Variants in CSMD3 observed in about 807,000 individuals in gnomAD.
The protein encoded by CSMD3 is CUB and sushi domain-containing protein 3.
A neutral mutation model predicts 435.2 loss-of-function variants in CSMD3; 177 were observed. That is an observed-to-expected ratio of 0.41 (90% confidence interval 0.36 to 0.46). The LOEUF (loss-of-function observed/expected upper bound fraction) is 0.46, where lower values mean the gene tolerates loss of function less well. CSMD3 is among the 20% of genes least tolerant of loss of function. The pLI is 0.34. For synonymous variants in CSMD3, 1,656 were observed against 1,520.5 expected (o/e 1.09, Z -2.07); for missense variants, 4,265 against 4,504.6 (o/e 0.95, Z 1.52).
chr8:112,388,463 T>C (rs1586957214), intron 36 of CSMD3, among the ~76,000 whole-genome samples: 1 of 152,166 alleles, frequency 6.6e-6, no homozygotes, highest in South Asian at 2.1e-4. Context: ...AAGACAAACC[T>C]GACGAATTTC....
intron 46 of CSMD3, 27 bp from the exon 47 acceptor site, chr8:112,318,977 A>T (rs1822734842): frequency 1.6e-6 from 2 of 1,254,494 alleles, no homozygotes; most frequent in South Asian, 1.2e-5. Flanking sequence ...GGGAGGTTTC[A>T]TATAAGCAAC....
At chr8:113,128,515 C>T (rs1043554217) in intron 4 of CSMD3, among the ~76,000 whole-genome samples, 2 of 151,822 alleles carry the variant, frequency 1.3e-5, no homozygotes, top group Admixed American at 6.6e-5. Flanking sequence ...TTTTAACATA[C>T]TGTATTACAC....
At chr8:113,332,376 T>C (rs542185444) in intron 1 of CSMD3, among the ~76,000 whole-genome samples, 9 of 147,840 alleles carry the variant, frequency 6.1e-5, no homozygotes, top group African/African-American at 2.2e-4. Context: ...TATCCCTGTA[T>C]ATAGAAAACC....
intron 1 of CSMD3, among the ~76,000 whole-genome samples, chr8:113,333,515 C>A (rs548543412): frequency 6.6e-6 from 1 of 151,776 alleles, no homozygotes; most frequent in East Asian, 1.9e-4. Context: ...TGATCCAGCA[C>A]TATTTAGTAA....
chr8:112,512,038 T>C (rs1823198212), intron 28 of CSMD3, among the ~76,000 whole-genome samples: 2 of 152,182 alleles, frequency 1.3e-5, no homozygotes, highest in Admixed American at 6.5e-5. Flanking sequence ...TCCTGCTACT[T>C]CTACCACATC....
At chr8:112,883,832 C>T (rs892987957) in intron 10 of CSMD3, among the ~76,000 whole-genome samples, 2 of 150,832 alleles carry the variant, frequency 1.3e-5, no homozygotes, top group African/African-American at 4.9e-5. Flanking sequence ...TAATATTTTG[C>T]CAATTGTCAC....
rs151015514 is a variant in CSMD3, at chr8:112,265,278, T to C, written c.9688+133A>G. On this transcript the variant is annotated intron_variant, in intron 60 of 70. Transcript: ENST00000297405. Reference sequence around the variant, plus strand: ...AAATAAAATTTTTAAGAAACAGCCATTTTTAGTACTAGAAAAATAAATGCA... The same window carrying C: ...AAATAAAATTTTTAAGAAACAGCCACTTTTAGTACTAGAAAAATAAATGCA... The C allele has an allele frequency of 1.3e-3, 595 of 469,016 alleles. 6 individuals are homozygous for C. The highest frequency in any genetic ancestry group is 0.011 in the African/African-American group (533 of 49,406). The allele number at this position is 469,016 out of a possible 1,614,324, so 29.1% of individuals were successfully genotyped here.
intron 10 of CSMD3, among the ~76,000 whole-genome samples, chr8:112,885,009 A>G (rs911549475): frequency 1.3e-5 from 2 of 151,692 alleles, no homozygotes; most frequent in Admixed American, 1.3e-4. Flanking sequence ...GTCCACTCTA[A>G]GGGTCCCTCC....
intron 9 of CSMD3, among the ~76,000 whole-genome samples, chr8:112,947,179 A>G (rs925709930): frequency 6.6e-6 from 1 of 151,678 alleles, no homozygotes; most frequent in Non-Finnish European, 1.5e-5. Flanking sequence ...AGAAAAATTC[A>G]AGTTTATTAA....
At chr8:113,255,553 G>A (rs1047649131) in intron 3 of CSMD3, among the ~76,000 whole-genome samples, 7 of 151,960 alleles carry the variant, frequency 4.6e-5, no homozygotes, top group Admixed American at 2.0e-4. Flanking sequence ...ACTCTGAGTT[G>A]TACTACCCTG....
chr8:112,667,696 G>A (rs1450422976), intron 16 of CSMD3, among the ~76,000 whole-genome samples: 2 of 151,890 alleles, frequency 1.3e-5, no homozygotes, highest in Admixed American at 6.6e-5. Flanking sequence ...TCTACTTTCA[G>A]GAAGTATACA....
chr8:113,271,663 G>T (rs1033798203), intron 3 of CSMD3, among the ~76,000 whole-genome samples: 5 of 152,130 alleles, frequency 3.3e-5, no homozygotes, highest in African/African-American at 1.2e-4. Flanking sequence ...GATAACTTAC[G>T]CTAGGGCAGT....
At chr8:112,926,566 T>C (rs953911176) in intron 9 of CSMD3, among the ~76,000 whole-genome samples, 10 of 152,172 alleles carry the variant, frequency 6.6e-5, no homozygotes, top group African/African-American at 2.4e-4. Context: ...GTTTAAGTGC[T>C]GTCATCTTTT....
At chr8:112,829,895 A>G (rs1737149174) in intron 11 of CSMD3, 106 bp from the exon 12 acceptor site, 5 of 151,586 alleles carry the variant, frequency 3.3e-5, no homozygotes, top group African/African-American at 7.5e-5. Flanking sequence ...GCACACACAC[A>G]CACACACACA....
intron 18 of CSMD3, among the ~76,000 whole-genome samples, chr8:112,651,710 T>C (rs960824145): frequency 3.9e-5 from 6 of 152,044 alleles, no homozygotes; most frequent in Non-Finnish European, 8.8e-5. Context: ...GCTAATTTTT[T>C]GTATTGTTAG....
intron 9 of CSMD3, among the ~76,000 whole-genome samples, chr8:112,944,690 T>A (rs769913706): frequency 6.6e-6 from 1 of 151,550 alleles, no homozygotes. Context: ...AACACAGTCT[T>A]CTGTCCTCCG....
At chr8:112,977,483 T>C (rs1160550090) in intron 6 of CSMD3, among the ~76,000 whole-genome samples, 1 of 152,068 alleles carries the variant, frequency 6.6e-6, no homozygotes, top group Non-Finnish European at 1.5e-5. Flanking sequence ...ATTTTCCTCT[T>C]GTGCTGTAGA....
At chr8:112,411,441 A>T (rs1002666185) in intron 32 of CSMD3, among the ~76,000 whole-genome samples, 2 of 151,806 alleles carry the variant, frequency 1.3e-5, no homozygotes, top group African/African-American at 4.8e-5. Flanking sequence ...AAAGCAATCA[A>T]CTCTGCATTA....
chr8:112,905,834 T>C (rs1193955898), intron 10 of CSMD3, among the ~76,000 whole-genome samples: 1 of 151,328 alleles, frequency 6.6e-6, no homozygotes, highest in Non-Finnish European at 1.5e-5. Context: ...TCTGTGAAAA[T>C]GTGGCAAGCT....
Sources: allele counts gnomAD v4.1 joint callset (sites outside exome capture counted in the v4.1 genomes callset), GRCh38; gene constraint gnomAD v4.1.1; transcripts MANE v1.5; gene names NCBI Gene and HGNC (gene_info 2026-07-23, HGNC 2026-07-21).